The following PLD1 variants were observed in gnomAD, a reference collection of about 807,000 sequenced individuals.
The protein encoded by PLD1 is phospholipase D1, also known as choline phosphatase 1.
In PLD1, 112 loss-of-function variants were observed where a neutral mutation model predicts 137.1. The observed-to-expected ratio is 0.82, with a 90% CI of 0.70 to 0.96. The LOEUF is 0.96. PLD1 is among the 40% of genes least tolerant of loss of function. PLD1 has a pLI of 0.00. For synonymous variants in PLD1, 431 were observed against 454.7 expected (o/e 0.95, Z 0.66); for missense variants, 1,321 against 1,342.0 (o/e 0.98, Z 0.24).
At chr3:171,697,719 A>G (rs916740025) in intron 12 of PLD1, among the ~76,000 whole-genome samples, 6 of 152,180 alleles carry the variant, frequency 3.9e-5, no homozygotes, top group Admixed American at 2.0e-4. Context: ...ATGTTTGTCC[A>G]TCCTAAATGC....
chr3:171,741,246 TAA>T (rs1350435742), intron 1 of PLD1, among the ~76,000 whole-genome samples: 1 of 152,230 alleles, frequency 6.6e-6, no homozygotes, highest in African/African-American at 2.4e-5. Context: ...CATGCTTTTG[TAA>T]AGACTTTACT....
In PLD1 at chr3:171,624,735, A is replaced by G. The variant is rs374884393; in HGVS notation, c.2594-4215T>C. On this transcript the variant is annotated intron_variant, in intron 23 of 26. Coordinates refer to ENST00000351298, the MANE Select transcript of PLD1 (RefSeq NM_002662.5). ...GAAATGAAGATCTCTGTGAATTAAT[A>G]GGGAGTGATTTCCAGGATATTCTGT... Among the ~76,000 whole-genome samples the G allele has an allele frequency of 1.7e-4, 26 of 152,300 alleles. No homozygotes were observed. The East Asian group carries it at 4.8e-3, about 28-fold the overall frequency.
At chr3:171,681,368 C>T (rs1261988572) in intron 16 of PLD1, among the ~76,000 whole-genome samples, 1 of 152,138 alleles carries the variant, frequency 6.6e-6, no homozygotes, top group African/African-American at 2.4e-5. Context: ...AAATCTGATT[C>T]CAAGGATTTT....
At chr3:171,669,900 A>T (rs571187925) in intron 19 of PLD1, among the ~76,000 whole-genome samples, 1 of 152,264 alleles carries the variant, frequency 6.6e-6, no homozygotes, top group African/African-American at 2.4e-5. Context: ...TACACAGCTC[A>T]TATGTCACAG....
intron 21 of PLD1, chr3:171,654,056 T>C: frequency 2.6e-6 from 1 of 384,356 alleles, no homozygotes; most frequent in South Asian, 1.9e-5. Context: ...TGAGGGGCAC[T>C]TTGGGAGGCC....
intron 12 of PLD1, among the ~76,000 whole-genome samples, chr3:171,696,922 C>T (rs534914448): frequency 6.6e-6 from 1 of 152,182 alleles, no homozygotes; most frequent in Non-Finnish European, 1.5e-5. Flanking sequence ...CAGGCAATAA[C>T]GTTTATTTGG....
chr3:171,766,812 G>A (rs946265315), intron 1 of PLD1, among the ~76,000 whole-genome samples: 2 of 151,862 alleles, frequency 1.3e-5, no homozygotes, highest in Non-Finnish European at 2.9e-5. Flanking sequence ...TTATTTTTTC[G>A]TTTCTTTTCT....
intron 25 of PLD1, among the ~76,000 whole-genome samples, chr3:171,610,690 G>T (rs192026803): frequency 6.6e-6 from 1 of 152,250 alleles, no homozygotes; most frequent in East Asian, 1.9e-4. Context: ...TATGTATGCC[G>T]CAGTAGGCAA....
At chr3:171,626,722 T>C (rs1467416809) in intron 23 of PLD1, among the ~76,000 whole-genome samples, 2 of 151,402 alleles carry the variant, frequency 1.3e-5, no homozygotes, top group Non-Finnish European at 2.9e-5. Context: ...AAAAGAATTT[T>C]CAACCCAGAA....
chr3:171,792,965 T>C (rs149805447), intron 1 of PLD1: 64 of 298,196 alleles, frequency 2.1e-4, no homozygotes, highest in African/African-American at 1.4e-3. Context: ...TGTGAGACAA[T>C]GCCAAGATAC....
chr3:171,682,166 A>AAAAG (rs1553819291), intron 16 of PLD1, among the ~76,000 whole-genome samples: 22 of 29,476 alleles, frequency 7.5e-4, no homozygotes, highest in South Asian at 6.9e-3. Flanking sequence ...GAAAGAAAGA[A>AAAAG]AAAGAAAGAA....
At position 171,662,294 on chromosome 3, in the gene PLD1, T is replaced by A. The variant is rs367675179; in HGVS notation, c.2230-124A>T. The A allele has an allele frequency of 1.7e-4, 105 of 616,136 alleles. No homozygotes were observed. The African/African-American group carries it at 1.8e-3, about 10-fold the overall frequency. The allele number at this position is 616,136 out of a possible 1,614,324, so 38.2% of individuals were successfully genotyped here. Reference sequence around the variant, plus strand: ...AATGATTACAGTGGCTTGAGTGTCATGTGTGAACCAAAGGAGAGTAGTGGG... The same window carrying A: ...AATGATTACAGTGGCTTGAGTGTCAAGTGTGAACCAAAGGAGAGTAGTGGG... On this transcript the variant is annotated intron_variant, in intron 19 of 26. Transcript: ENST00000351298.
At position 171,659,214 on chromosome 3, in the gene PLD1, T is replaced by A; in HGVS notation, c.2428A>T (p.Arg810Trp). The A allele has an allele frequency of 6.2e-7, 1 of 1,602,982 alleles. No homozygotes were observed. The highest frequency in any genetic ancestry group is 8.5e-7 in the Non-Finnish European group (1 of 1,169,764). ...AIAQRILKAH[R>W]ENQKYRVYVV... ...GAACTCTCAGCCAAAGGCTGTTACC[T>A]GTGAGCTTTCAGGATCCTCTGGGCA... Residue 810 changes from arginine to tryptophan, a missense_variant and splice_region_variant, in exon 21 of 27, where the codon AGG (arginine) becomes TGG (tryptophan). Physicochemically the swap from Arg to Trp is moderately radical, Grantham distance 101 (BLOSUM62 -3). Coordinates refer to ENST00000351298, the MANE Select transcript of PLD1 (RefSeq NM_002662.5).
intron 1 of PLD1, among the ~76,000 whole-genome samples, chr3:171,768,339 A>AG (rs1001589275): frequency 2.0e-5 from 3 of 152,156 alleles, no homozygotes; most frequent in African/African-American, 4.8e-5. Flanking sequence ...CTGGTTCTTG[A>AG]GGGGGGCAAG....
At chr3:171,711,508 A>G (rs1717227495) in intron 9 of PLD1, among the ~76,000 whole-genome samples, 1 of 152,002 alleles carries the variant, frequency 6.6e-6, no homozygotes. Context: ...AATTAAACAT[A>G]TTGATACCAG....
intron 19 of PLD1, among the ~76,000 whole-genome samples, chr3:171,664,990 G>A (rs1473002603): frequency 6.6e-6 from 1 of 152,088 alleles, no homozygotes; most frequent in Non-Finnish European, 1.5e-5. Context: ...AAAAGTTATA[G>A]GCAAAGTTTA....
Position 171,603,128 on chromosome 3 carries a change from G to A in PLD1, c.3175C>T (p.Pro1059Ser), listed in dbSNP as rs370937521. The A allele has an allele frequency of 3.1e-6, 5 of 1,613,908 alleles. No individual in the cohort carries two copies. The highest frequency in any genetic ancestry group is 1.3e-5 in the African/African-American group (1 of 74,906). The change falls in exon 27 of 27, where the codon CCT becomes TCT. Residue 1059 changes from proline (P) to serine (S), a missense_variant. Physicochemically the swap from Pro to Ser is moderately conservative, Grantham distance 74 (BLOSUM62 -1). Transcript: ENST00000351298. ...ATGGCCTCTTTGGTCCCAACAGAAG[G>A]CAGTAGGCTTTCTTCAGACAAGAAA... ...FYFLSEESLL[P>S]SVGTKEAIVP...
rs201602698 is a variant in PLD1 at position 171,699,746 on chromosome 3, G to A, written c.1226C>T (p.Ala409Val). The A allele has an allele frequency of 5.0e-6, 8 of 1,608,282 alleles. No individual in the cohort carries two copies. In the East Asian group the frequency reaches 1.8e-4, roughly 36 times the overall value. Residue 409 changes from alanine (A) to valine (V), a missense_variant and splice_region_variant, in exon 12 of 27, where the codon GCA becomes GTA. Transcript: ENST00000351298. ...AGCATTTTCTGGGAAAGTACATACT[G>A]CTTTTCGTTTAAGAATGCAGTCCAA... Reference protein sequence around the residue: ...WRLDCILKRKAQQGVRIFIML... With the variant: ...WRLDCILKRKVQQGVRIFIML...
intron 23 of PLD1, among the ~76,000 whole-genome samples, chr3:171,626,116 C>G (rs537485100): frequency 2.1e-4 from 32 of 152,030 alleles, no homozygotes; most frequent in Admixed American, 4.6e-4. Flanking sequence ...AAAATTCAGA[C>G]GAATGTATAA....
Sources: gnomAD v4.1 joint callset for allele counts (sites outside exome capture counted in the v4.1 genomes callset) on GRCh38, gnomAD v4.1.1 for gene constraint, MANE v1.5 for transcripts, NCBI Gene and HGNC (gene_info 2026-07-23, HGNC 2026-07-21) for gene names.